Variants in CA5B observed in about 807,000 individuals in gnomAD.
The protein encoded by CA5B is carbonic anhydrase 5B.
Under a neutral mutation model 23.1 loss-of-function variants are expected in CA5B, and 15 were observed. The observed-to-expected ratio is 0.65, with a 90% CI of 0.43 to 1.00. The LOEUF (loss-of-function observed/expected upper bound fraction) is 1.00. Among genes scored for constraint, CA5B ranks in the 50% least tolerant of loss-of-function variants. CA5B has a pLI of 0.00. For missense variants in CA5B, 236 were observed against 252.2 expected, an observed-to-expected ratio of 0.94 and a Z score of 0.43; for synonymous variants, 84 against 98.5, an observed-to-expected ratio of 0.85 and a Z score of 0.87.
At chrX:15,743,005 A>G (rs1294370428) in intron 1 of CA5B, among the ~76,000 whole-genome samples, 2 of 112,436 alleles carry the variant, frequency 1.8e-5, no homozygotes. Flanking sequence ...ACCCTAACTT[A>G]GAGAAAGAAC....
chrX:15,764,394 A>C (rs997413809), intron 2 of CA5B, among the ~76,000 whole-genome samples, 184 bp from the exon 3 acceptor site: 11 of 110,516 alleles, frequency 1.0e-4, no homozygotes, highest in African/African-American at 3.6e-4. Flanking sequence ...GTGTACCACC[A>C]CGCCTGGATA....
At chrX:15,754,207 C>T (rs1931445257) in intron 2 of CA5B, among the ~76,000 whole-genome samples, 1 of 111,904 alleles carries the variant, frequency 8.9e-6, no homozygotes, top group Non-Finnish European at 1.9e-5. Flanking sequence ...TCCATTCAGT[C>T]CGTTGGGTAG....
At chrX:15,743,303 A>G (rs1049552699) in intron 1 of CA5B, among the ~76,000 whole-genome samples, 4 of 112,050 alleles carry the variant, frequency 3.6e-5, no homozygotes, top group Non-Finnish European at 5.6e-5. Context: ...AAAATATAAT[A>G]CCCTCTCTCA....
At chrX:15,780,535 G>C (rs1200183318) in intron 7 of CA5B, among the ~76,000 whole-genome samples, 1 of 111,592 alleles carries the variant, frequency 9.0e-6, no homozygotes, top group Non-Finnish European at 1.9e-5. Context: ...GCCTCCCAAA[G>C]TGCTGGGATT....
intron 2 of CA5B, among the ~76,000 whole-genome samples, chrX:15,757,444 A>C (rs894574832): frequency 9.0e-6 from 1 of 111,597 alleles, no homozygotes; most frequent in African/African-American, 3.3e-5. Flanking sequence ...TGAACCTGGG[A>C]GTCAGAGGTT....
chrX:15,745,017 A>G (rs995391715), intron 1 of CA5B, among the ~76,000 whole-genome samples: 3 of 109,128 alleles, frequency 2.7e-5, no homozygotes, highest in African/African-American at 1.0e-4. Context: ...AAAAATACAG[A>G]AATTAGCCGG....
chrX:15,766,778 T>C (rs961214380), intron 3 of CA5B: 2 of 224,093 alleles, frequency 8.9e-6, no homozygotes, highest in Non-Finnish European at 1.6e-5. Flanking sequence ...TACTGATATA[T>C]GTTCTTTTAA....
chrX:15,784,823 G>A lies in CA5B; in HGVS notation c.*2159G>A, dbSNP rs765421517. On this transcript the variant is annotated 3_prime_UTR_variant, in exon 8 of 8. Coordinates refer to ENST00000318636, the MANE Select transcript of CA5B (RefSeq NM_007220.4). ...TAAGGAGCCCAAATCCAGAATATAT[G>A]AGGAACTTCTACAACTCAACAACAA... The A allele has an allele frequency of 1.8e-5, 2 of 112,129 alleles. No individual in the cohort carries two copies. Among genetic ancestry groups the A allele is most frequent in the South Asian group, 7.4e-4 (2 of 2,709 alleles). 9.2% of individuals were successfully genotyped at this position (112,129 alleles called of 1,213,427 possible).
At chrX:15,770,039 C>T (rs1931788324) in intron 3 of CA5B, among the ~76,000 whole-genome samples, 1 of 112,162 alleles carries the variant, frequency 8.9e-6, no homozygotes, top group African/African-American at 3.2e-5. Context: ...TCAGGCCAAG[C>T]ATGATGGCTC....
intron 6 of CA5B, chrX:15,775,715 G>C: frequency 1.3e-6 from 1 of 754,886 alleles, no homozygotes; most frequent in Non-Finnish European, 1.6e-6. Context: ...CTTCAGGTCG[G>C]ATGCCTTTGT....
chrX:15,759,993 A>G (rs1931571375), intron 2 of CA5B, among the ~76,000 whole-genome samples: 1 of 109,670 alleles, frequency 9.1e-6, no homozygotes, highest in South Asian at 3.9e-4. Flanking sequence ...ACCTCAGGTG[A>G]TCTGCCTGCC....
At chrX:15,781,359 G>A (rs945010075) in intron 7 of CA5B, among the ~76,000 whole-genome samples, 3 of 111,985 alleles carry the variant, frequency 2.7e-5, no homozygotes, top group Non-Finnish European at 3.8e-5. Context: ...AGAACAAGCC[G>A]TTGATATTCT....
intron 2 of CA5B, among the ~76,000 whole-genome samples, chrX:15,754,443 G>C (rs72614601): frequency 3.1e-4 from 35 of 112,593 alleles, no homozygotes; most frequent in East Asian, 1.7e-3. Flanking sequence ...CAGCATTTCA[G>C]GTCAGCCCTG....
chrX:15,741,080 T>C (rs1341612158), intron 1 of CA5B, among the ~76,000 whole-genome samples: 2 of 109,617 alleles, frequency 1.8e-5, no homozygotes, highest in Non-Finnish European at 3.8e-5. Context: ...TTTTTCTTTT[T>C]TTTTTGAGAC....
intron 3 of CA5B, among the ~76,000 whole-genome samples, chrX:15,766,265 C>T (rs962023009): frequency 7.3e-5 from 8 of 110,019 alleles, no homozygotes; most frequent in Admixed American, 2.0e-4. Context: ...TGCTCTGATA[C>T]TTAGACATGG....
In CA5B at chrX:15,782,823, C is replaced by G. The variant is rs182611439; in HGVS notation, c.*159C>G. 3 of 398,763 alleles carry G rather than the reference C, an allele frequency of 7.5e-6. No individual in the cohort carries two copies. The highest frequency in any genetic ancestry group is 5.0e-5 in the Admixed American group (1 of 19,810). 32.9% of individuals were successfully genotyped at this position (398,763 alleles called of 1,213,427 possible). Reference sequence around the variant, plus strand: ...TCATCAGTCTTTGAGGAAGGCTATTCGGTACCAGCAAGAGACACAAGTTTC... The same window carrying G: ...TCATCAGTCTTTGAGGAAGGCTATTGGGTACCAGCAAGAGACACAAGTTTC... On this transcript the variant is annotated 3_prime_UTR_variant, in exon 8 of 8. Transcript: ENST00000318636.
In CA5B at chrX:15,769,538, G is replaced by A. The variant is rs1418017368; in HGVS notation, c.341-2958G>A. ...TGAGTGCCTTTGTTCTCCTCCTCAGGGTGCTTCCTGCTCCATCCTGCTTCC... is the reference window on the plus strand; with the variant it reads ...TGAGTGCCTTTGTTCTCCTCCTCAGAGTGCTTCCTGCTCCATCCTGCTTCC... On this transcript the variant is annotated intron_variant, in intron 3 of 7. Coordinates refer to ENST00000318636, the MANE Select transcript of CA5B (RefSeq NM_007220.4). The A allele has an allele frequency of 4.0e-6, 3 of 750,225 alleles. No homozygotes were observed. In the African/African-American group the frequency reaches 7.0e-5, roughly 17 times the overall value. The allele number at this position is 750,225 out of a possible 1,213,427, so 61.8% of individuals were successfully genotyped here.
rs901219603 is a variant in CA5B at position 15,784,920 on chromosome X, A to G, written c.*2256A>G. 9 of 112,508 alleles carry G rather than the reference A, an allele frequency of 8.0e-5. No individual in the cohort carries two copies. The highest frequency in any genetic ancestry group is 1.1e-4 in the Non-Finnish European group (6 of 53,339). 9.3% of individuals were successfully genotyped at this position (112,508 alleles called of 1,213,427 possible). A position where few individuals can be genotyped will look rare whatever the true frequency, so the allele number is the denominator to read the frequency against. ...GACATTTCTCCAAAGAAGTTATACA[A>G]TTGGCCAATAAGAACATGAAAATAT... On this transcript the variant is annotated 3_prime_UTR_variant, in exon 8 of 8. Transcript: ENST00000318636.
At chrX:15,738,661 C>A (rs752468312) in intron 1 of CA5B, among the ~76,000 whole-genome samples, 2 of 111,122 alleles carry the variant, frequency 1.8e-5, no homozygotes, top group Non-Finnish European at 3.8e-5. Flanking sequence ...GGGGTGGGGG[C>A]GCGGGAGAGC....
Sources: allele counts gnomAD v4.1 joint callset (sites outside exome capture counted in the v4.1 genomes callset), GRCh38; gene constraint gnomAD v4.1.1; transcripts MANE v1.5; gene names NCBI Gene and HGNC (gene_info 2026-07-23, HGNC 2026-07-21).